The following PHF5A variants were observed in gnomAD, a reference collection of about 807,000 sequenced individuals.
PHF5A encodes the protein PHD finger protein 5A.
For synonymous variants in PHF5A, 52 were observed against 46.0 expected (o/e 1.13, Z -0.52); for missense variants, 24 against 140.6 (o/e 0.17, Z 4.19).
At chr22:41,464,850 G>A (rs150583153) in intron 3 of PHF5A, among the ~76,000 whole-genome samples, 36 of 152,282 alleles carry the variant, frequency 2.4e-4, no homozygotes, top group Admixed American at 5.2e-4. Context: ...CACCTACTAT[G>A]TGCTAGACAC....
intron 3 of PHF5A, among the ~76,000 whole-genome samples, chr22:41,462,183 C>T (rs1246717367): frequency 6.6e-6 from 1 of 152,162 alleles, no homozygotes; most frequent in Non-Finnish European, 1.5e-5. Flanking sequence ...GAAATGATGA[C>T]TCCATCAGTT....
rs781071644 is a variant in PHF5A, at chr22:41,468,682, C to T, written c.-29G>A. On this transcript the variant is annotated 5_prime_UTR_variant, in exon 1 of 4. Transcript: ENST00000216252. ...TCCTAACTAAGCCGGCCACCGGAAG[C>T]TTCGGGAACTTCCGTCCGACCTTTA... 4 of 1,609,666 alleles carry T rather than the reference C, an allele frequency of 2.5e-6. No individual in the cohort carries two copies. The South Asian group carries it at 3.3e-5, about 13-fold the overall frequency.
At chr22:41,465,037 G>A (rs1308412463) in intron 3 of PHF5A, among the ~76,000 whole-genome samples, 2 of 152,146 alleles carry the variant, frequency 1.3e-5, no homozygotes, top group African/African-American at 4.8e-5. Flanking sequence ...TTGGATTTTC[G>A]GACAGCAGAA....
Position 41,460,608 on chromosome 22 carries a change from C to T in PHF5A, c.244-121G>A, listed in dbSNP as rs752541521. On this transcript the variant is annotated intron_variant, in intron 3 of 3. Coordinates refer to ENST00000216252, the MANE Select transcript of PHF5A (RefSeq NM_032758.4). ...TTAGTCCCAGCTACTACTCGAAGGC[C>T]GAGGCAGGAGGATTGCTGAAGCCCA... 9.7e-5 allele frequency: 59 copies of T among 609,062 alleles called. No individual in the cohort carries two copies. The Admixed American group carries it at 1.6e-3, about 17-fold the overall frequency. 37.7% of individuals were successfully genotyped at this position (609,062 alleles called of 1,614,324 possible).
At chr22:41,468,497 G>T in intron 1 of PHF5A, 105 bp downstream of exon 1, 1 of 1,298,734 alleles carries the variant, frequency 7.7e-7, no homozygotes, top group Non-Finnish European at 1.1e-6. Flanking sequence ...GGCGGGAAAC[G>T]TGGCGCCTGC....
intron 2 of PHF5A, 61 bp from the exon 3 acceptor site, chr22:41,467,675 A>G (rs1319080575): frequency 1.9e-6 from 3 of 1,549,818 alleles, no homozygotes; most frequent in African/African-American, 1.4e-5. Flanking sequence ...ATCTCCTGCC[A>G]TGGGGAAATA....
In PHF5A at chr22:41,467,622, G is replaced by A; in HGVS notation, c.77-8C>T. 1 of 1,613,950 alleles carries A rather than the reference G, an allele frequency of 6.2e-7. No homozygotes were observed. Among genetic ancestry groups the A allele is most frequent in the Non-Finnish European group, 8.5e-7 (1 of 1,179,894 alleles). On this transcript the variant is annotated splice_polypyrimidine_tract_variant and splice_region_variant and intron_variant, in intron 2 of 3. Coordinates refer to ENST00000216252, the MANE Select transcript of PHF5A (RefSeq NM_032758.4). Reference sequence around the variant, plus strand: ...TCACACACTTGCCATCACCTGTAAGGAAGAGAATGGAGTCATGCTCACAAG... The same window carrying A: ...TCACACACTTGCCATCACCTGTAAGAAAGAGAATGGAGTCATGCTCACAAG...
At chr22:41,461,976 C>T (rs888998609) in intron 3 of PHF5A, among the ~76,000 whole-genome samples, 4 of 152,106 alleles carry the variant, frequency 2.6e-5, no homozygotes, top group Admixed American at 6.6e-5. Context: ...ATTTTAAATA[C>T]CATAGGAGAC....
At chr22:41,465,581 TTG>T (rs2037859781) in intron 3 of PHF5A, among the ~76,000 whole-genome samples, 1 of 152,118 alleles carries the variant, frequency 6.6e-6, no homozygotes, top group Admixed American at 6.5e-5. Flanking sequence ...CCAGAAACAC[TTG>T]TAAAAGGACA....
intron 2 of PHF5A, 134 bp downstream of exon 2, chr22:41,467,990 G>A (rs1340894606): frequency 1.1e-6 from 1 of 909,506 alleles, no homozygotes; most frequent in Non-Finnish European, 1.7e-6. Flanking sequence ...GGGGCCTTTG[G>A]CTAAAGTGCA....
At chr22:41,468,203 G>A (rs2037888097) in intron 1 of PHF5A, 56 bp from the exon 2 acceptor site, 3 of 1,589,636 alleles carry the variant, frequency 1.9e-6, no homozygotes, top group South Asian at 1.1e-5. Context: ...TGAGAAAGAG[G>A]AGAAGTACAT....
At chr22:41,462,296 T>C (rs2037833094) in intron 3 of PHF5A, among the ~76,000 whole-genome samples, 1 of 152,250 alleles carries the variant, frequency 6.6e-6, no homozygotes, top group Admixed American at 6.5e-5. Context: ...AGTCCTGTGA[T>C]ATTAGGTGAT....
At chr22:41,467,255 C>T (rs1262986727) in intron 3 of PHF5A, among the ~76,000 whole-genome samples, 193 bp downstream of exon 3, 2 of 152,102 alleles carry the variant, frequency 1.3e-5, no homozygotes, top group East Asian at 3.9e-4. Context: ...GCTTCCCTTG[C>T]ATTCTTCCCC....
At chr22:41,460,874 A>C (rs1365120297) in intron 3 of PHF5A, among the ~76,000 whole-genome samples, 2 of 152,108 alleles carry the variant, frequency 1.3e-5, no homozygotes, top group Non-Finnish European at 2.9e-5. Flanking sequence ...CTTAGCACTT[A>C]TGAAAGATCA....
chr22:41,460,307 G>A lies in PHF5A; in HGVS notation c.*91C>T. On this transcript the variant is annotated 3_prime_UTR_variant, in exon 4 of 4. Transcript: ENST00000216252. ...AGCAGGCACTCCTGGTGATGCTCTG[G>A]GCTCTGCTCCCTTTCTGCTGGTAGT... 9.3e-7 allele frequency: 1 copy of A among 1,076,648 alleles called. No homozygotes were observed. Among genetic ancestry groups the A allele is most frequent in the Non-Finnish European group, 1.4e-6 (1 of 725,518 alleles). The allele number at this position is 1,076,648 out of a possible 1,614,324, so 66.7% of individuals were successfully genotyped here.
At chr22:41,461,529 T>C (rs1011784042) in intron 3 of PHF5A, among the ~76,000 whole-genome samples, 7 of 152,042 alleles carry the variant, frequency 4.6e-5, no homozygotes, top group African/African-American at 1.7e-4. Flanking sequence ...CTAATTTCTT[T>C]TGTATTTTAG....
chr22:41,467,627 G>A lies in PHF5A; in HGVS notation c.77-13C>T, dbSNP rs2037878713. On this transcript the variant is annotated splice_polypyrimidine_tract_variant and intron_variant, in intron 2 of 3. Coordinates refer to ENST00000216252, the MANE Select transcript of PHF5A (RefSeq NM_032758.4). Reference sequence around the variant, plus strand: ...CACTTGCCATCACCTGTAAGGAAGAGAATGGAGTCATGCTCACAAGTTCTT... The same window carrying A: ...CACTTGCCATCACCTGTAAGGAAGAAAATGGAGTCATGCTCACAAGTTCTT... The A allele has an allele frequency of 1.2e-6, 2 of 1,613,782 alleles. No individual in the cohort carries two copies. The highest frequency in any genetic ancestry group is 1.7e-6 in the Non-Finnish European group (2 of 1,179,716).
At chr22:41,465,149 A>G (rs1190960029) in intron 3 of PHF5A, among the ~76,000 whole-genome samples, 1 of 152,148 alleles carries the variant, frequency 6.6e-6, no homozygotes, top group Admixed American at 6.6e-5. Flanking sequence ...TCATCTCCCT[A>G]AACAACAGAA....
intron 2 of PHF5A, 41 bp from the exon 3 acceptor site, chr22:41,467,655 G>T (rs1170707680): frequency 2.5e-6 from 4 of 1,604,778 alleles, no homozygotes; most frequent in Non-Finnish European, 3.4e-6. Flanking sequence ...AAGTTCTTCA[G>T]TCCTCTGCTA....
Sources: allele counts gnomAD v4.1 joint callset (sites outside exome capture counted in the v4.1 genomes callset), GRCh38; gene constraint gnomAD v4.1.1; transcripts MANE v1.5; gene names NCBI Gene and HGNC (gene_info 2026-07-23, HGNC 2026-07-21).